Variants in ARHGAP26 observed in about 807,000 individuals in gnomAD.
The protein encoded by ARHGAP26 is Rho GTPase activating protein 26, also known as rho GTPase-activating protein 26.
In ARHGAP26, 38 loss-of-function variants were observed where a neutral mutation model predicts 104.8. The ratio of observed to expected loss-of-function variants is 0.36; its 90% CI spans 0.28 to 0.48. ARHGAP26 has a LOEUF of 0.48. Among genes scored for constraint, ARHGAP26 ranks in the 20% least tolerant of loss-of-function variants. The pLI, the probability that ARHGAP26 is intolerant of heterozygous loss-of-function variation, is 0.99. For missense variants in ARHGAP26, 704 were observed against 947.9 expected (o/e 0.74, Z 3.38); for synonymous variants, 341 against 340.0 (o/e 1.00, Z -0.03).
At chr5:142,905,883 T>G (rs767068816) in intron 8 of ARHGAP26, among the ~76,000 whole-genome samples, 20 of 152,186 alleles carry the variant, frequency 1.3e-4, no homozygotes, top group Admixed American at 3.3e-4. Context: ...GTATTCCAGT[T>G]TTGCCAGTTG....
intron 10 of ARHGAP26, 123 bp from the exon 11 acceptor site, chr5:142,931,924 C>G: frequency 1.1e-6 from 1 of 882,236 alleles, no homozygotes; most frequent in South Asian, 1.4e-5. Flanking sequence ...AGTGTTTTGC[C>G]CCTCTTTGTG....
At chr5:142,970,869 T>C (rs1014974575) in intron 11 of ARHGAP26, among the ~76,000 whole-genome samples, 5 of 152,206 alleles carry the variant, frequency 3.3e-5, no homozygotes, top group Admixed American at 6.5e-5. Flanking sequence ...GAGAAGGCGA[T>C]GTTTAACCAA....
chr5:143,134,589 G>A (rs557395914), intron 19 of ARHGAP26, among the ~76,000 whole-genome samples: 35 of 152,230 alleles, frequency 2.3e-4, no homozygotes, highest in Admixed American at 4.6e-4. Flanking sequence ...GCATGGAGTC[G>A]ACACCTAAAA....
intron 20 of ARHGAP26, among the ~76,000 whole-genome samples, chr5:143,206,064 T>C (rs113911961): frequency 1.9e-4 from 29 of 152,370 alleles, no homozygotes; most frequent in African/African-American, 6.7e-4. Flanking sequence ...AGGGCTATTA[T>C]TGGGTCTCAT....
intron 1 of ARHGAP26, among the ~76,000 whole-genome samples, chr5:142,844,247 C>T (rs894440817): frequency 1.3e-5 from 2 of 151,704 alleles, no homozygotes; most frequent in Non-Finnish European, 2.9e-5. Flanking sequence ...GATGGGGTTT[C>T]GCCATATCGA....
intron 20 of ARHGAP26, among the ~76,000 whole-genome samples, chr5:143,156,594 T>C (rs1388028808): frequency 1.3e-5 from 2 of 152,174 alleles, no homozygotes; most frequent in African/African-American, 4.8e-5. Flanking sequence ...TGATACATGC[T>C]CAAGTCTGAG....
In ARHGAP26 at chr5:142,770,848, G is replaced by A. The variant is rs1034084929; in HGVS notation, c.87G>A (p.Leu29=). 1.2e-6 allele frequency: 2 copies of A among 1,612,172 alleles called. No homozygotes were observed. Among genetic ancestry groups the A allele is most frequent in the African/African-American group, 2.7e-5 (2 of 74,868 alleles). ...RETLKSHEAE[L]DKTNKFIKEL... ...CGCTCAAGTCGCACGAAGCAGAGCTGGACAAGACCAACAAATTCATCAAGG... is the reference window on the plus strand; with the variant it reads ...CGCTCAAGTCGCACGAAGCAGAGCTAGACAAGACCAACAAATTCATCAAGG... Residue 29 remains leucine (L), a synonymous_variant, in exon 1 of 23, where the codon CTG becomes CTA. Transcript: ENST00000645722.
intron 1 of ARHGAP26, among the ~76,000 whole-genome samples, chr5:142,831,386 T>G (rs1768398881): frequency 6.6e-6 from 1 of 152,152 alleles, no homozygotes; most frequent in African/African-American, 2.4e-5. Context: ...GTCTCCTTTT[T>G]TCTCCTTGTT....
At chr5:142,980,239 G>T (rs1773722082) in intron 11 of ARHGAP26, among the ~76,000 whole-genome samples, 1 of 152,120 alleles carries the variant, frequency 6.6e-6, no homozygotes, top group Non-Finnish European at 1.5e-5. Context: ...AGTTTGTTCT[G>T]ATTGTTGTAG....
chr5:142,930,726 G>A (rs776248843), intron 10 of ARHGAP26, among the ~76,000 whole-genome samples: 6 of 151,958 alleles, frequency 3.9e-5, no homozygotes, highest in Non-Finnish European at 7.4e-5. Flanking sequence ...CATGCCCCTT[G>A]TATCCTCAAC....
chr5:142,918,259 A>G (rs1330537911), intron 10 of ARHGAP26, among the ~76,000 whole-genome samples: 2 of 151,662 alleles, frequency 1.3e-5, no homozygotes, highest in African/African-American at 4.9e-5. Context: ...CGATTCTCCT[A>G]CCTCATCCTC....
chr5:143,222,552 G>T lies in ARHGAP26; in HGVS notation c.*106G>T. 1.2e-6 allele frequency: 1 copy of T among 838,886 alleles called. No individual in the cohort carries two copies. Among genetic ancestry groups the T allele is most frequent in the South Asian group, 2.5e-5 (1 of 39,544 alleles). 52.0% of individuals were successfully genotyped at this position (838,886 alleles called of 1,614,324 possible). A position where few individuals can be genotyped will look rare whatever the true frequency, so the allele number is the denominator to read the frequency against. ...TGCCACTGAGAAATGCAGCGTGACT[G>T]ACTCTGTTGCTACCTGTCAACATGA... On this transcript the variant is annotated 3_prime_UTR_variant, in exon 23 of 23. Coordinates refer to ENST00000645722, the MANE Select transcript of ARHGAP26 (RefSeq NM_001135608.3).
At chr5:142,873,291 G>A (rs1430749776) in intron 1 of ARHGAP26, 109 bp from the exon 2 acceptor site, 13 of 725,186 alleles carry the variant, frequency 1.8e-5, no homozygotes, top group Non-Finnish European at 2.0e-5. Context: ...ATGGACTCAG[G>A]AACAAATCCG....
intron 20 of ARHGAP26, among the ~76,000 whole-genome samples, chr5:143,155,359 A>T (rs1800351734): frequency 6.6e-6 from 1 of 152,000 alleles, no homozygotes; most frequent in African/African-American, 2.4e-5. Context: ...GGTGTGACCC[A>T]TTTTCTGAGT....
At chr5:142,804,466 A>G (rs1762611304) in intron 1 of ARHGAP26, among the ~76,000 whole-genome samples, 1 of 152,168 alleles carries the variant, frequency 6.6e-6, no homozygotes, top group Middle Eastern at 3.2e-3. Context: ...GCATATTATT[A>G]AGCATAGGTT....
At chr5:143,063,115 G>A (rs761703269) in intron 17 of ARHGAP26, among the ~76,000 whole-genome samples, 11 of 152,138 alleles carry the variant, frequency 7.2e-5, no homozygotes, top group Admixed American at 3.9e-4. Flanking sequence ...GCCACTGGTG[G>A]TATGGCCTGA....
Position 143,008,428 on chromosome 5 carries a change from G to A in ARHGAP26, c.1108-5652G>A, listed in dbSNP as rs147597506. On this transcript the variant is annotated intron_variant, in intron 11 of 22. Transcript: ENST00000645722. The stretch of plus-strand genomic sequence containing the variant: ...ATGCAGAGGAGATGAGATGATATTC[G>A]ATGGTGTAGAACCAGCCTGTTGTTT... Among the ~76,000 whole-genome samples the A allele has an allele frequency of 1.4e-3, 215 of 152,318 alleles. 1 individual carries two copies. Among genetic ancestry groups the A allele is most frequent in the African/African-American group, 4.9e-3 (205 of 41,566 alleles).
chr5:143,218,902 CTATTAA>C (rs2151425647), intron 22 of ARHGAP26, among the ~76,000 whole-genome samples: 1 of 152,326 alleles, frequency 6.6e-6, no homozygotes, highest in African/African-American at 2.4e-5. Context: ...TGTCTACCAG[CTATTAA>C]TATTTAATTT....
chr5:142,963,250 A>T (rs1770725580), intron 11 of ARHGAP26, among the ~76,000 whole-genome samples: 1 of 142,818 alleles, frequency 7.0e-6, no homozygotes, highest in Non-Finnish European at 1.5e-5. Flanking sequence ...CATTTTCTTT[A>T]ACCTGTCATT....
Sources: allele counts gnomAD v4.1 joint callset (sites outside exome capture counted in the v4.1 genomes callset), GRCh38; gene constraint gnomAD v4.1.1; transcripts MANE v1.5; gene names NCBI Gene and HGNC (gene_info 2026-07-23, HGNC 2026-07-21).